Variants in MRPL4 observed in about 807,000 individuals in gnomAD.
MRPL4 encodes large ribosomal subunit protein uL4m.
MRPL4 carries 34 observed loss-of-function variants against 34.1 expected under a neutral mutation model. The observed-to-expected ratio is 1.00, with a 90% CI of 0.76 to 1.33. The LOEUF (loss-of-function observed/expected upper bound fraction) is 1.33. Among genes scored for constraint, MRPL4 ranks in the 40% most tolerant of loss-of-function variants. The probability of loss-of-function intolerance (pLI) is 0.00; values close to 1 mark genes in which losing one functional copy is unlikely to be tolerated. For synonymous variants in MRPL4, 196 were observed against 188.3 expected, an observed-to-expected ratio of 1.04 and a Z score of -0.33; for missense variants, 402 against 434.6, an observed-to-expected ratio of 0.92 and a Z score of 0.67.
In MRPL4 at chr19:10,252,614, A is replaced by C; in HGVS notation, c.188A>C (p.Gln63Pro). Reference protein sequence around the residue: ...LPVPTHRRPVQAWVESLRGFE... With the variant: ...LPVPTHRRPVPAWVESLRGFE... ...GTACCCACTCATCGACGCCCAGTGC[A>C]GGCCTGGGTCGAGTCCTTGCGGGGC... Residue 63 changes from glutamine to proline, a missense_variant, in exon 3 of 9, where the codon CAG becomes CCG. Gln to Pro is a moderately conservative substitution (Grantham distance 76). Transcript: ENST00000253099. 1 of 1,612,422 alleles carries C rather than the reference A, an allele frequency of 6.2e-7. No individual in the cohort carries two copies. The highest frequency in any genetic ancestry group is 1.1e-5 in the South Asian group (1 of 91,068).
intron 5 of MRPL4, 24 bp downstream of exon 5, chr19:10,256,849 CGGGGAGGGGTGG>C: frequency 4.0e-4 from 9 of 22,252 alleles, no homozygotes; most frequent in African/African-American, 7.1e-4. Flanking sequence ...GTGGAGGGGG[CGGGGAGGGGTGG>C]GGGGGCCAGG....
In MRPL4 at chr19:10,256,670, C is replaced by T. The variant is rs188733597; in HGVS notation, c.328-38C>T. ...GATCTGCCCGGCTCCCTGACACCTG[C>T]CTCGTGGACCTGACCCCCCTCCTCT... On this transcript the variant is annotated intron_variant, in intron 4 of 8. Coordinates refer to ENST00000253099, the MANE Select transcript of MRPL4 (RefSeq NM_015956.3). The T allele has an allele frequency of 7.0e-6, 11 of 1,578,214 alleles. 1 individual carries two copies. In the South Asian group the frequency reaches 8.9e-5, roughly 13 times the overall value.
upstream of MRPL4, chr19:10,251,953 C>CG: frequency 4.1e-6 from 2 of 487,806 alleles, no homozygotes; most frequent in Non-Finnish European, 7.2e-6. Context: ...ACCGGCTCGT[C>CG]GGAGGCGGGA....
Position 10,259,597 on chromosome 19 carries a change from C to CG in MRPL4, c.740-19dup. 6.8e-7 allele frequency: 1 copy of CG among 1,474,436 alleles called. No homozygotes were observed. Among genetic ancestry groups the CG allele is most frequent in the Non-Finnish European group, 8.9e-7 (1 of 1,120,922 alleles). 91.3% of individuals were successfully genotyped at this position (1,474,436 alleles called of 1,614,324 possible). A position where few individuals can be genotyped will look rare whatever the true frequency, so the allele number is the denominator to read the frequency against. On this transcript the variant is annotated intron_variant, in intron 8 of 8. Coordinates refer to ENST00000253099, the MANE Select transcript of MRPL4 (RefSeq NM_015956.3). The stretch of plus-strand genomic sequence containing the variant: ...CCCCGGCCTGACCGGCCCCCCGCCC[C>CG]GCCCCCACCCCGCCCCCAGGCCTAA...
chr19:10,252,772 C>G, intron 3 of MRPL4, 71 bp downstream of exon 3: 1 of 1,546,308 alleles, frequency 6.5e-7, no homozygotes, highest in Non-Finnish European at 8.7e-7. Flanking sequence ...GTCACGATGA[C>G]TTTGGGCTTG....
rs750482628 is a variant in MRPL4 at position 10,258,515 on chromosome 19, G to A, written c.655G>A (p.Val219Met). 35 of 1,613,966 alleles carry A rather than the reference G, an allele frequency of 2.2e-5. No individual in the cohort carries two copies. Among genetic ancestry groups the A allele is most frequent in the East Asian group, 4.5e-5 (2 of 44,884 alleles). The change falls in exon 7 of 9, where the codon GTG (valine) becomes ATG (methionine). Residue 219 changes from valine (V) to methionine (M), a missense_variant. Physicochemically the swap from Val to Met is conservative, Grantham distance 21 (BLOSUM62 1). Coordinates refer to ENST00000253099, the MANE Select transcript of MRPL4 (RefSeq NM_015956.3). The part of the protein sequence containing the change: ...YRRWGDSVLL[V>M]DLTHEEMPQS... ...CCGCTGGGGGGACTCCGTACTCCTC[G>A]TGGACTTGTGAGGGCACAGGGCAGA...
chr19:10,254,048 C>T (rs922369385), intron 3 of MRPL4, among the ~76,000 whole-genome samples: 21 of 151,964 alleles, frequency 1.4e-4, no homozygotes, highest in Non-Finnish European at 2.9e-5. Context: ...GATGAAGTTT[C>T]GCTCTTGTCG....
intron 4 of MRPL4, 112 bp from the exon 5 acceptor site, chr19:10,256,596 A>C (rs1004072773): frequency 6.1e-6 from 5 of 820,058 alleles, no homozygotes; most frequent in Non-Finnish European, 1.0e-5. Flanking sequence ...TTGGCCAGAG[A>C]GAGCCCGTCA....
intron 8 of MRPL4, chr19:10,258,973 A>C: frequency 2.1e-6 from 3 of 1,410,986 alleles, no homozygotes; most frequent in Non-Finnish European, 2.8e-6. Context: ...GGCGATGTGC[A>C]CCTGTAGTCC....
chr19:10,258,180 C>G (rs1294523034), intron 5 of MRPL4, 42 bp from the exon 6 acceptor site: 4 of 1,430,674 alleles, frequency 2.8e-6, no homozygotes, highest in Non-Finnish European at 2.9e-6. Context: ...CCTCCAGGCT[C>G]TGCAGTGGCC....
At position 10,258,658 on chromosome 19, in the gene MRPL4, A is replaced by G; in HGVS notation, c.712A>G (p.Lys238Glu). 6.2e-7 allele frequency: 1 copy of G among 1,614,178 alleles called. No individual in the cohort carries two copies. Among genetic ancestry groups the G allele is most frequent in the East Asian group, 2.2e-5 (1 of 44,882 alleles). Residue 238 changes from lysine (K) to glutamate (E), a missense_variant, in exon 8 of 9, where the codon AAG becomes GAG. Transcript: ENST00000253099. The stretch of plus-strand genomic sequence containing the variant: ...CATCGTGGAGGCCACCTCTAGGCTT[A>G]AGACCTTCAACTTGATCCCGGCTGT... ...QSIVEATSRL[K>E]TFNLIPAVGL...
At chr19:10,259,386 G>C in intron 8 of MRPL4, 3 of 1,402,772 alleles carry the variant, frequency 2.1e-6, no homozygotes, top group Non-Finnish European at 2.8e-6. Flanking sequence ...GCACAGGACC[G>C]AGCCTGGCTC....
At chr19:10,253,470 CAAA>C (rs571009042) in intron 3 of MRPL4, among the ~76,000 whole-genome samples, 1 of 103,012 alleles carries the variant, frequency 9.7e-6, no homozygotes. Context: ...CACTCTGTCT[CAAA>C]AAAAAAAAAA....
In MRPL4 at chr19:10,252,275, G is replaced by C. The variant is rs1016159491; in HGVS notation, c.22G>C (p.Gly8Arg). 1.2e-6 allele frequency: 2 copies of C among 1,608,582 alleles called. No individual in the cohort carries two copies. Among genetic ancestry groups the C allele is most frequent in the South Asian group, 1.1e-5 (1 of 90,932 alleles). Reference sequence around the variant, plus strand: ...GGCGATGCTGCAGTTCGTCCGGGCCGGGGCGCGGGCCTGGCTTCGGCCTAC... The same window carrying C: ...GGCGATGCTGCAGTTCGTCCGGGCCCGGGCGCGGGCCTGGCTTCGGCCTAC... MLQFVRAGARAWLRPTGS... is the reference protein window; with the variant it reads MLQFVRARARAWLRPTGS... The change falls in exon 1 of 9, where the codon GGG becomes CGG. Residue 8 changes from glycine to arginine, a missense_variant. Coordinates refer to ENST00000253099, the MANE Select transcript of MRPL4 (RefSeq NM_015956.3).
At chr19:10,252,090 TG>T, upstream of MRPL4, 1 of 803,620 alleles carries the variant, frequency 1.2e-6, no homozygotes, top group Non-Finnish European at 1.9e-6. Context: ...GGTGGAGGTC[TG>T]GGCACGCCGG....
At chr19:10,257,988 C>T (rs1384025735) in intron 5 of MRPL4, among the ~76,000 whole-genome samples, 2 of 152,040 alleles carry the variant, frequency 1.3e-5, no homozygotes, top group Non-Finnish European at 2.9e-5. Flanking sequence ...CTGGTGTGAG[C>T]CACCTTCGCC....
chr19:10,259,150 C>G, intron 8 of MRPL4: 1 of 1,050,070 alleles, frequency 9.5e-7, no homozygotes, highest in Non-Finnish European at 1.2e-6. Context: ...TCTGTCAAAG[C>G]CACAGTCTGT....
chr19:10,258,675 C>A lies in MRPL4; in HGVS notation c.729C>A (p.Ile243=), dbSNP rs921615728. The A allele has an allele frequency of 6.2e-7, 1 of 1,614,012 alleles. No individual in the cohort carries two copies. Among genetic ancestry groups the A allele is most frequent in the African/African-American group, 1.3e-5 (1 of 74,936 alleles). ...CTAGGCTTAAGACCTTCAACTTGAT[C>A]CCGGCTGTTGGTGAGCAAAGAGCCC... The part of the protein sequence containing the change: ...ATSRLKTFNL[I]PAVGLNVHSM... Residue 243 remains isoleucine, a synonymous_variant, in exon 8 of 9, where the codon ATC becomes ATA. Coordinates refer to ENST00000253099, the MANE Select transcript of MRPL4 (RefSeq NM_015956.3).
intron 6 of MRPL4, 35 bp downstream of exon 6, chr19:10,258,363 G>C: frequency 1.2e-6 from 2 of 1,613,672 alleles, no homozygotes. Context: ...AGCTGCTAGA[G>C]GTGGGGCTGC....
Sources: gnomAD v4.1 joint callset for allele counts (sites outside exome capture counted in the v4.1 genomes callset) on GRCh38, gnomAD v4.1.1 for gene constraint, MANE v1.5 for transcripts, NCBI Gene and HGNC (gene_info 2026-07-23, HGNC 2026-07-21) for gene names.